Variants in RBFOX1 observed in about 807,000 individuals in gnomAD.
RBFOX1 encodes the protein RNA binding fox-1 homolog 1.
In RBFOX1, 8 loss-of-function variants were observed where a neutral mutation model predicts 57.7. The observed-to-expected ratio is 0.14, with a 90% confidence interval of 0.08 to 0.25. RBFOX1 has a LOEUF of 0.25. Among genes scored for constraint, RBFOX1 ranks in the 10% least tolerant of loss-of-function variants. The pLI, the probability that RBFOX1 is intolerant of heterozygous loss-of-function variation, is 1.00. For synonymous variants in RBFOX1, 326 were observed against 222.4 expected (o/e 1.47, Z -4.15); for missense variants, 611 against 548.5 (o/e 1.11, Z -1.14).
At chr16:6,967,706 C>G (rs999742839) in intron 3 of RBFOX1, among the ~76,000 whole-genome samples, 35 of 151,966 alleles carry the variant, frequency 2.3e-4, no homozygotes, top group Non-Finnish European at 8.8e-5. Context: ...CACGGTAGGT[C>G]CTTGGTCAAA....
intron 1 of RBFOX1, among the ~76,000 whole-genome samples, chr16:6,124,366 G>A (rs937739785): frequency 6.6e-6 from 1 of 152,114 alleles, no homozygotes; most frequent in African/African-American, 2.4e-5. Context: ...CTCTGCTATT[G>A]GAGTCATTGC....
At chr16:5,771,776 T>G (rs2053985795) in intron 3 of RBFOX1, among the ~76,000 whole-genome samples, 1 of 152,182 alleles carries the variant, frequency 6.6e-6, no homozygotes, top group African/African-American at 2.4e-5. Context: ...TTGCTCTGTA[T>G]GTTGTAGGTG....
At chr16:6,601,626 G>A (rs777638665) in intron 2 of RBFOX1, among the ~76,000 whole-genome samples, 2 of 152,132 alleles carry the variant, frequency 1.3e-5, no homozygotes, top group Non-Finnish European at 2.9e-5. Context: ...CAATCCTTGG[G>A]ACTAGCTCGC....
intron 3 of RBFOX1, among the ~76,000 whole-genome samples, chr16:5,641,039 C>G (rs1476284852): frequency 6.6e-6 from 1 of 151,042 alleles, no homozygotes; most frequent in African/African-American, 2.4e-5. Flanking sequence ...AACACCCATG[C>G]ACACACATAT....
intron 4 of RBFOX1, among the ~76,000 whole-genome samples, chr16:7,401,577 C>A (rs918373923): frequency 6.6e-6 from 1 of 152,018 alleles, no homozygotes; most frequent in South Asian, 2.1e-4. Context: ...GAAATTTTTC[C>A]CTATGTTGTT....
intron 2 of RBFOX1, among the ~76,000 whole-genome samples, chr16:5,491,546 A>G (rs373073882): frequency 6.6e-6 from 1 of 152,236 alleles, no homozygotes; most frequent in Non-Finnish European, 1.5e-5. Context: ...TAGAATATTT[A>G]TACAACAGGA....
chr16:7,272,350 A>C (rs2095339657), intron 4 of RBFOX1, among the ~76,000 whole-genome samples: 1 of 151,830 alleles, frequency 6.6e-6, no homozygotes, highest in African/African-American at 2.4e-5. Context: ...ACACCCAGCT[A>C]GTTTTTGTAT....
intron 3 of RBFOX1, among the ~76,000 whole-genome samples, chr16:5,799,414 G>C (rs941734033): frequency 6.6e-6 from 1 of 152,184 alleles, no homozygotes. Context: ...GAAAAAAGTC[G>C]AACAATATAC....
At chr16:6,205,268 T>C (rs1165910745) in intron 1 of RBFOX1, among the ~76,000 whole-genome samples, 1 of 152,202 alleles carries the variant, frequency 6.6e-6, no homozygotes, top group East Asian at 1.9e-4. Context: ...TAGCTTAATG[T>C]TGCCTAGAAG....
chr16:7,098,069 T>A (rs543669801), intron 4 of RBFOX1, among the ~76,000 whole-genome samples: 74 of 152,292 alleles, frequency 4.9e-4, no homozygotes, highest in Middle Eastern at 3.4e-3. Flanking sequence ...ATATGCTAAC[T>A]TAAAAGGCTA....
intron 13 of RBFOX1, 131 bp from the exon 14 acceptor site, chr16:7,676,643 C>G (rs143632577): frequency 5.0e-5 from 39 of 774,110 alleles, no homozygotes; most frequent in African/African-American, 2.9e-4. Context: ...CGCTTTGATA[C>G]TAAGCTTTCA....
chr16:7,038,558 G>T (rs189770949), intron 3 of RBFOX1, among the ~76,000 whole-genome samples: 1 of 152,130 alleles, frequency 6.6e-6, no homozygotes, highest in Non-Finnish European at 1.5e-5. Flanking sequence ...AAGACATTTC[G>T]TGGTTTAGCT....
intron 1 of RBFOX1, among the ~76,000 whole-genome samples, chr16:6,166,585 C>A (rs2096919141): frequency 6.6e-6 from 1 of 152,162 alleles, no homozygotes; most frequent in Non-Finnish European, 1.5e-5. Context: ...CTCCAAACCT[C>A]TGTCTTCATC....
chr16:6,726,397 C>CTTTT (rs5815344), intron 3 of RBFOX1, among the ~76,000 whole-genome samples: 3 of 146,916 alleles, frequency 2.0e-5, no homozygotes, highest in African/African-American at 7.6e-5. Flanking sequence ...GCTATTTTTT[C>CTTTT]TTTTTTTTTT....
chr16:7,051,984 C>G lies in RBFOX1; in HGVS notation c.-15-73C>G, dbSNP rs557739231. 6.0e-5 allele frequency: 93 copies of G among 1,562,762 alleles called. No individual in the cohort carries two copies. The African/African-American group carries it at 1.0e-3, about 17-fold the overall frequency. ...CTTTGAGCTGAGTAATTAAAAGTAA[C>G]TTTCTGTTTTCTTTCATGTTTTTCT... On this transcript the variant is annotated intron_variant, in intron 3 of 15. Coordinates refer to ENST00000550418, the MANE Select transcript of RBFOX1 (RefSeq NM_018723.4).
intron 3 of RBFOX1, among the ~76,000 whole-genome samples, chr16:6,789,756 TCTTA>T (rs1053685776): frequency 1.3e-5 from 2 of 152,190 alleles, no homozygotes; most frequent in African/African-American, 4.8e-5. Context: ...CATAGTAGTC[TCTTA>T]GTTTTTTAAA....
intron 5 of RBFOX1, among the ~76,000 whole-genome samples, chr16:7,556,186 G>T (rs1268311703): frequency 1.3e-5 from 2 of 152,056 alleles, no homozygotes; most frequent in Non-Finnish European, 2.9e-5. Context: ...CATTTATAAG[G>T]CCCTGAGAAG....
At chr16:6,856,882 A>G (rs1338149975) in intron 3 of RBFOX1, among the ~76,000 whole-genome samples, 1 of 152,140 alleles carries the variant, frequency 6.6e-6, no homozygotes, top group East Asian at 1.9e-4. Context: ...TTCTGCTGCA[A>G]AATGTTAGAG....
chr16:6,801,739 C>T (rs1020481547), intron 3 of RBFOX1, among the ~76,000 whole-genome samples: 2 of 152,098 alleles, frequency 1.3e-5, no homozygotes, highest in African/African-American at 2.4e-5. Flanking sequence ...GTTTTTATTT[C>T]TGTAACCAGT....
Sources: allele counts gnomAD v4.1 joint callset (sites outside exome capture counted in the v4.1 genomes callset), GRCh38; gene constraint gnomAD v4.1.1; transcripts MANE v1.5; gene names NCBI Gene and HGNC (gene_info 2026-07-23, HGNC 2026-07-21).